Variants in MTMR7 observed in about 807,000 individuals in gnomAD.
MTMR7 encodes the protein myotubularin related protein 7.
Under a neutral mutation model 81.2 loss-of-function variants are expected in MTMR7, and 76 were observed. The ratio of observed to expected loss-of-function variants is 0.94; its 90% confidence interval spans 0.78 to 1.13. The LOEUF is 1.13. Among genes scored for constraint, MTMR7 ranks in the 50% most tolerant of loss-of-function variants. The pLI is 0.00. For missense variants in MTMR7, 1,044 were observed against 820.0 expected (o/e 1.27, Z -3.34); for synonymous variants, 372 against 289.8 (o/e 1.28, Z -2.88).
intron 7 of MTMR7, among the ~76,000 whole-genome samples, chr8:17,315,711 AAAAAC>A (rs1245971302): frequency 6.6e-6 from 1 of 152,174 alleles, no homozygotes; most frequent in Non-Finnish European, 1.5e-5. Context: ...CTTAAGAAAA[AAAAAC>A]AAAACAGAAA....
At chr8:17,340,205 C>A (rs141632125) in intron 6 of MTMR7, among the ~76,000 whole-genome samples, 20 of 152,134 alleles carry the variant, frequency 1.3e-4, no homozygotes, top group Admixed American at 1.3e-3. Flanking sequence ...CACCTGCCTT[C>A]GCCTCCCAAA....
chr8:17,364,813 C>T (rs1820176540), intron 3 of MTMR7, among the ~76,000 whole-genome samples: 1 of 152,216 alleles, frequency 6.6e-6, no homozygotes, highest in African/African-American at 2.4e-5. Flanking sequence ...ATCTCTTCAT[C>T]CAATGATGGA....
At chr8:17,327,534 C>T (rs1037018714) in intron 7 of MTMR7, among the ~76,000 whole-genome samples, 1 of 152,140 alleles carries the variant, frequency 6.6e-6, no homozygotes, top group African/African-American at 2.4e-5. Context: ...CTCAATGTCT[C>T]AGCCTCCCAA....
intron 7 of MTMR7, among the ~76,000 whole-genome samples, chr8:17,324,022 C>A (rs1023788980): frequency 1.3e-5 from 2 of 152,188 alleles, no homozygotes; most frequent in African/African-American, 4.8e-5. Flanking sequence ...AAATAACCTT[C>A]TTTTCTTTTG....
chr8:17,400,222 A>G (rs924695788), intron 1 of MTMR7, among the ~76,000 whole-genome samples: 1 of 152,242 alleles, frequency 6.6e-6, no homozygotes, highest in Non-Finnish European at 1.5e-5. Context: ...CTGAAATAAC[A>G]CTATAGCTAC....
At chr8:17,355,270 A>G (rs1819855354) in intron 4 of MTMR7, among the ~76,000 whole-genome samples, 3 of 152,196 alleles carry the variant, frequency 2.0e-5, no homozygotes. Flanking sequence ...ATTCACTGCA[A>G]AAGTTAGCTT....
chr8:17,405,731 A>G (rs776167083), intron 1 of MTMR7, among the ~76,000 whole-genome samples: 5 of 152,024 alleles, frequency 3.3e-5, no homozygotes, highest in Non-Finnish European at 7.4e-5. Flanking sequence ...CATCATCATA[A>G]TGTGGACTAT....
chr8:17,315,214 C>T (rs1307952306), intron 7 of MTMR7, among the ~76,000 whole-genome samples: 2 of 152,074 alleles, frequency 1.3e-5, no homozygotes, highest in Non-Finnish European at 2.9e-5. Context: ...ATGCACAGTG[C>T]TAAGGGAAAG....
intron 4 of MTMR7, among the ~76,000 whole-genome samples, chr8:17,359,740 G>T (rs1231337971): frequency 1.3e-5 from 2 of 152,046 alleles, no homozygotes; most frequent in African/African-American, 4.8e-5. Flanking sequence ...ATCAAGATAT[G>T]AAGATTAAAT....
chr8:17,369,561 C>G lies in MTMR7; in HGVS notation c.310+1476G>C, dbSNP rs181777468. Among the ~76,000 whole-genome samples the G allele has an allele frequency of 2.6e-5, 4 of 151,886 alleles. No individual in the cohort carries two copies. In the East Asian group the frequency reaches 7.7e-4, roughly 29 times the overall value. On this transcript the variant is annotated intron_variant, in intron 3 of 13. Transcript: ENST00000180173. ...TCCTTTATTAACTACTTCTGTGTAGCACAACTTCTATATAAATGATCTCTT... is the reference window on the plus strand; with the variant it reads ...TCCTTTATTAACTACTTCTGTGTAGGACAACTTCTATATAAATGATCTCTT...
intron 1 of MTMR7, among the ~76,000 whole-genome samples, chr8:17,380,737 T>C (rs1820731626): frequency 6.6e-6 from 1 of 152,230 alleles, no homozygotes; most frequent in Non-Finnish European, 1.5e-5. Flanking sequence ...CACTTGTAAA[T>C]GCCTTTGAGG....
rs79588020 is a variant in MTMR7 at position 17,301,811 on chromosome 8, A to T, written c.1620+343T>A. ...TCTAAAAGTGGGGAAAGAGTTTTAC[A>T]AGTACATATATTTGATTTTATTCTG... is the stretch of plus-strand genomic sequence containing the variant. On this transcript the variant is annotated intron_variant, in intron 13 of 13. Coordinates refer to ENST00000180173, the MANE Select transcript of MTMR7 (RefSeq NM_004686.5). 9.4e-3 allele frequency: 3,040 copies of T among 322,520 alleles called. 29 individuals are homozygous for T. The highest frequency in any genetic ancestry group is 0.023 in the Middle Eastern group (27 of 1,170). The allele number at this position is 322,520 out of a possible 1,614,324, so 20.0% of individuals were successfully genotyped here.
intron 10 of MTMR7, among the ~76,000 whole-genome samples, chr8:17,307,310 GA>G (rs1429350735): frequency 1.6e-4 from 24 of 152,318 alleles, no homozygotes; most frequent in Admixed American, 3.3e-4. Flanking sequence ...GGCCATCAGA[GA>G]AATGCAAATC....
At chr8:17,383,503 G>T (rs1242033853) in intron 1 of MTMR7, among the ~76,000 whole-genome samples, 1 of 152,194 alleles carries the variant, frequency 6.6e-6, no homozygotes, top group African/African-American at 2.4e-5. Flanking sequence ...GGCAGAGCCA[G>T]ATTTCAAACC....
chr8:17,310,115 C>G (rs1012898939), intron 9 of MTMR7, among the ~76,000 whole-genome samples: 4 of 152,116 alleles, frequency 2.6e-5, no homozygotes, highest in Non-Finnish European at 4.4e-5. Context: ...ATCCTCCCAC[C>G]TCAGCCCAAG....
intron 5 of MTMR7, 140 bp from the exon 6 acceptor site, chr8:17,341,637 G>A: frequency 9.4e-7 from 1 of 1,058,860 alleles, no homozygotes; most frequent in South Asian, 1.7e-5. Flanking sequence ...ACAGCTTTCT[G>A]GAAATCAAGC....
chr8:17,340,939 T>G (rs1819390654), intron 6 of MTMR7, among the ~76,000 whole-genome samples: 1 of 152,232 alleles, frequency 6.6e-6, no homozygotes, highest in Non-Finnish European at 1.5e-5. Flanking sequence ...TAGGTATAGA[T>G]TACTACAAGT....
intron 12 of MTMR7, among the ~76,000 whole-genome samples, chr8:17,303,563 C>A (rs990761729): frequency 6.6e-6 from 1 of 151,488 alleles, no homozygotes; most frequent in Non-Finnish European, 1.5e-5. Flanking sequence ...CCTAGTAGAA[C>A]TTGTAGGATG....
At chr8:17,402,212 T>C (rs1012943326) in intron 1 of MTMR7, among the ~76,000 whole-genome samples, 2 of 152,180 alleles carry the variant, frequency 1.3e-5, no homozygotes, top group African/African-American at 4.8e-5. Flanking sequence ...GGTATCTAGC[T>C]CCTGAAACGT....
Sources: gnomAD v4.1 joint callset for allele counts (sites outside exome capture counted in the v4.1 genomes callset) on GRCh38, gnomAD v4.1.1 for gene constraint, MANE v1.5 for transcripts, NCBI Gene and HGNC (gene_info 2026-07-23, HGNC 2026-07-21) for gene names.